Variants in TMEM132C observed in about 807,000 individuals in gnomAD.
The protein encoded by TMEM132C is protein phosphatase 1, regulatory subunit 152.
In TMEM132C, 29 loss-of-function variants were observed where a neutral mutation model predicts 61.4. That is an observed-to-expected ratio of 0.47 (90% CI 0.35 to 0.64). The LOEUF (loss-of-function observed/expected upper bound fraction) is 0.64, where lower values mean the gene tolerates loss of function less well. Ranked by LOEUF, TMEM132C falls within the 30% of genes least tolerant of loss-of-function variation. TMEM132C has a pLI of 0.00. For missense variants in TMEM132C, 1,408 were observed against 1,476.9 expected (o/e 0.95, Z 0.76); for synonymous variants, 656 against 633.1 (o/e 1.04, Z -0.54).
At chr12:128,674,887 C>T (rs1954568383) in intron 5 of TMEM132C, among the ~76,000 whole-genome samples, 1 of 150,888 alleles carries the variant, frequency 6.6e-6, no homozygotes, top group African/African-American at 2.4e-5. Flanking sequence ...GCATTTGCAT[C>T]CTCAGAGCTT....
At chr12:128,463,702 G>A (rs768212311) in intron 2 of TMEM132C, among the ~76,000 whole-genome samples, 3 of 152,070 alleles carry the variant, frequency 2.0e-5, no homozygotes, top group East Asian at 1.9e-4. Flanking sequence ...CTCCCATCTC[G>A]GTGTGCCATG....
At chr12:128,530,664 C>T (rs1309230428) in intron 2 of TMEM132C, among the ~76,000 whole-genome samples, 2 of 152,092 alleles carry the variant, frequency 1.3e-5, no homozygotes, top group Admixed American at 6.6e-5. Context: ...AGGCTGGTCT[C>T]GAACTAATGA....
intron 1 of TMEM132C, among the ~76,000 whole-genome samples, chr12:128,268,081 C>T (rs1870374467): frequency 6.6e-6 from 1 of 152,186 alleles, no homozygotes; most frequent in African/African-American, 2.4e-5. Flanking sequence ...AAACCAGGGG[C>T]TCTCTGCGGG....
intron 2 of TMEM132C, among the ~76,000 whole-genome samples, chr12:128,517,351 C>T (rs1872755513): frequency 6.6e-6 from 1 of 152,124 alleles, no homozygotes; most frequent in African/African-American, 2.4e-5. Flanking sequence ...GGAGGAATCA[C>T]TTGGACCCAG....
intron 4 of TMEM132C, 28 bp from the exon 5 acceptor site, chr12:128,669,389 A>G: frequency 6.4e-7 from 1 of 1,550,912 alleles, no homozygotes; most frequent in African/African-American, 1.4e-5. Flanking sequence ...ATCTCCCTTG[A>G]CCCAGTGTGT....
intron 3 of TMEM132C, among the ~76,000 whole-genome samples, chr12:128,608,262 C>G (rs142224420): frequency 6.6e-6 from 1 of 152,324 alleles, no homozygotes; most frequent in East Asian, 1.9e-4. Context: ...AACAGCCTCA[C>G]AAGGGTTGGC....
At chr12:128,554,791 C>A (rs1451309048) in intron 3 of TMEM132C, among the ~76,000 whole-genome samples, 2 of 152,130 alleles carry the variant, frequency 1.3e-5, no homozygotes, top group Non-Finnish European at 1.5e-5. Context: ...CCAGCAGATG[C>A]TATAAACACG....
chr12:128,382,958 A>G (rs972276415), intron 1 of TMEM132C, among the ~76,000 whole-genome samples: 6 of 150,536 alleles, frequency 4.0e-5, no homozygotes, highest in Non-Finnish European at 8.9e-5. Context: ...GTGTGTATGT[A>G]TGTGTGTGTG....
chr12:128,504,860 C>T (rs1267147793), intron 2 of TMEM132C, among the ~76,000 whole-genome samples: 2 of 149,018 alleles, frequency 1.3e-5, no homozygotes, highest in South Asian at 2.2e-4. Context: ...CAATTCAGTC[C>T]GTAATAATTT....
intron 1 of TMEM132C, among the ~76,000 whole-genome samples, chr12:128,370,194 C>T (rs1282210627): frequency 6.9e-6 from 1 of 143,964 alleles, no homozygotes; most frequent in Non-Finnish European, 1.6e-5. Context: ...TCTTAGGGCT[C>T]AGGTGTGCAG....
In TMEM132C at chr12:128,267,429, G is replaced by A; in HGVS notation, c.27G>A (p.Gly9=). Residue 9 remains glycine (G), a synonymous_variant, in exon 1 of 9, where the codon GGG becomes GGA. Coordinates refer to ENST00000435159, the MANE Select transcript of TMEM132C (RefSeq NM_001136103.3). MRSEGAAP[G]PAAPLCGALS... is the part of the protein sequence containing the mutation. ...TGCGCTCCGAGGGTGCGGCCCCCGG[G>A]CCGGCGGCGCCGCTGTGCGGGGCGC... 8.0e-7 allele frequency: 1 copy of A among 1,243,298 alleles called. No individual in the cohort carries two copies. The highest frequency in any genetic ancestry group is 1.0e-6 in the Non-Finnish European group (1 of 994,608). 77.0% of individuals were successfully genotyped at this position (1,243,298 alleles called of 1,614,324 possible).
intron 4 of TMEM132C, among the ~76,000 whole-genome samples, chr12:128,631,312 G>A (rs539533164): frequency 6.6e-6 from 1 of 152,190 alleles, no homozygotes; most frequent in Non-Finnish European, 1.5e-5. Context: ...AGCAACACAT[G>A]ACTAGTGGCC....
chr12:128,696,370 T>G (rs1954764172), intron 7 of TMEM132C, among the ~76,000 whole-genome samples: 1 of 152,172 alleles, frequency 6.6e-6, no homozygotes, highest in Admixed American at 6.5e-5. Flanking sequence ...ACCCCCATCC[T>G]ACCTCTGATT....
intron 2 of TMEM132C, among the ~76,000 whole-genome samples, chr12:128,532,377 A>G (rs1873343852): frequency 6.6e-6 from 1 of 152,014 alleles, no homozygotes; most frequent in East Asian, 1.9e-4. Context: ...AGTGGCTCAC[A>G]CCTGTAATCC....
intron 1 of TMEM132C, among the ~76,000 whole-genome samples, chr12:128,300,710 C>G (rs1488764433): frequency 3.9e-5 from 6 of 152,160 alleles, no homozygotes; most frequent in Admixed American, 3.9e-4. Flanking sequence ...TGATACCAGG[C>G]TCTATTTATG....
At chr12:128,285,919 A>C (rs1233468307) in intron 1 of TMEM132C, among the ~76,000 whole-genome samples, 7 of 31,622 alleles carry the variant, frequency 2.2e-4, no homozygotes, top group Non-Finnish European at 3.4e-4. Flanking sequence ...CTCTCTCCCC[A>C]TCTCTATCCC....
intron 1 of TMEM132C, among the ~76,000 whole-genome samples, chr12:128,366,584 A>G (rs1873879698): frequency 6.6e-6 from 1 of 152,150 alleles, no homozygotes; most frequent in Non-Finnish European, 1.5e-5. Context: ...CTGTTCAGTA[A>G]GTTTGAGGCT....
intron 2 of TMEM132C, among the ~76,000 whole-genome samples, chr12:128,448,346 C>T (rs1208096799): frequency 6.6e-6 from 1 of 152,186 alleles, no homozygotes; most frequent in Admixed American, 6.5e-5. Context: ...TGCTGTGCTC[C>T]GCTGGGCAGG....
At chr12:128,347,330 T>C (rs1051073559) in intron 1 of TMEM132C, among the ~76,000 whole-genome samples, 1 of 152,240 alleles carries the variant, frequency 6.6e-6, no homozygotes, top group Admixed American at 6.5e-5. Flanking sequence ...CGTTGGTTGA[T>C]GGGCACTTAG....
Sources: gnomAD v4.1 joint callset for allele counts (sites outside exome capture counted in the v4.1 genomes callset) on GRCh38, gnomAD v4.1.1 for gene constraint, MANE v1.5 for transcripts, NCBI Gene and HGNC (gene_info 2026-07-23, HGNC 2026-07-21) for gene names.